The following C10orf90 variants were observed in gnomAD, a reference collection of about 807,000 sequenced individuals.
The protein encoded by C10orf90 is chromosome 10 open reading frame 90.
In C10orf90, 56 loss-of-function variants were observed where a neutral mutation model predicts 62.5. The observed-to-expected ratio is 0.90, with a 90% CI of 0.72 to 1.12. The LOEUF (loss-of-function observed/expected upper bound fraction) is 1.12. Ranked by LOEUF, C10orf90 falls within the 50% of genes most tolerant of loss-of-function variation. The pLI is 0.00. For synonymous variants in C10orf90, 386 were observed against 340.4 expected, an observed-to-expected ratio of 1.13 and a Z score of -1.47; for missense variants, 970 against 880.4, an observed-to-expected ratio of 1.10 and a Z score of -1.29.
At chr10:126,624,770 T>A (rs1845710470) in intron 2 of C10orf90, among the ~76,000 whole-genome samples, 1 of 152,128 alleles carries the variant, frequency 6.6e-6, no homozygotes, top group Non-Finnish European at 1.5e-5. Context: ...AAAGGAAAGG[T>A]CTGGCAGAAA....
chr10:126,638,716 C>T (rs1846002422), intron 2 of C10orf90, among the ~76,000 whole-genome samples: 1 of 152,202 alleles, frequency 6.6e-6, no homozygotes, highest in Admixed American at 6.5e-5. Flanking sequence ...AAACAGCCCT[C>T]CTTATCATGG....
At chr10:126,558,796 A>G (rs1864835467) in intron 2 of C10orf90, among the ~76,000 whole-genome samples, 1 of 152,232 alleles carries the variant, frequency 6.6e-6, no homozygotes, top group African/African-American at 2.4e-5. Flanking sequence ...CCCCAACCAG[A>G]GTTGGGCTCC....
intron 2 of C10orf90, among the ~76,000 whole-genome samples, chr10:126,641,356 T>C (rs137999132): frequency 1.4e-3 from 210 of 152,264 alleles, no homozygotes; most frequent in African/African-American, 4.7e-3. Flanking sequence ...ACAATCATCC[T>C]CAAGTTTTAA....
intron 2 of C10orf90, among the ~76,000 whole-genome samples, chr10:126,564,498 C>T (rs988751953): frequency 2.0e-5 from 3 of 151,636 alleles, no homozygotes; most frequent in South Asian, 2.1e-4. Flanking sequence ...GCATGTAGCC[C>T]GAGTCCCTGG....
chr10:126,646,991 G>A (rs1846185160), intron 1 of C10orf90, among the ~76,000 whole-genome samples: 1 of 152,182 alleles, frequency 6.6e-6, no homozygotes, highest in African/African-American at 2.4e-5. Context: ...TGGGTGCTGG[G>A]CTGAAGCTAG....
At chr10:126,524,533 G>T in intron 2 of C10orf90, 2 of 693,596 alleles carry the variant, frequency 2.9e-6, no homozygotes, top group East Asian at 1.3e-4. Flanking sequence ...CAGGGCTTAG[G>T]CAGCAAGAAG....
At chr10:126,550,240 G>A (rs980090281) in intron 2 of C10orf90, among the ~76,000 whole-genome samples, 1 of 152,112 alleles carries the variant, frequency 6.6e-6, no homozygotes, top group Admixed American at 6.5e-5. Context: ...ACAGGCATGA[G>A]CCACCGCGCC....
intron 7 of C10orf90, among the ~76,000 whole-genome samples, chr10:126,452,237 G>A (rs1227231080): frequency 2.0e-5 from 3 of 151,926 alleles, no homozygotes; most frequent in Non-Finnish European, 2.9e-5. Context: ...AAACGTGGGC[G>A]TATGGTTTTT....
intron 2 of C10orf90, among the ~76,000 whole-genome samples, chr10:126,535,487 A>T (rs1348136152): frequency 6.6e-6 from 1 of 150,664 alleles, no homozygotes; most frequent in Non-Finnish European, 1.5e-5. Context: ...ACTGCACTCC[A>T]GCCTGGGCAA....
Position 126,670,533 on chromosome 10 carries a change from T to G in C10orf90, c.-53A>C. 1 of 449,310 alleles carries G rather than the reference T, an allele frequency of 2.2e-6. No homozygotes were observed. The highest frequency in any genetic ancestry group is 7.0e-5 in the East Asian group (1 of 14,318). 27.8% of individuals were successfully genotyped at this position (449,310 alleles called of 1,614,324 possible). ...AGTGAGACTGGCAAACACAATTTTCTTTGTTTAACCCAGGTATTGAGTGCA... is the reference window on the plus strand; with the variant it reads ...AGTGAGACTGGCAAACACAATTTTCGTTGTTTAACCCAGGTATTGAGTGCA... On this transcript the variant is annotated 5_prime_UTR_variant, in exon 1 of 10. Transcript: ENST00000488181.
At chr10:126,623,185 A>C (rs1200189651) in intron 2 of C10orf90, among the ~76,000 whole-genome samples, 1 of 152,114 alleles carries the variant, frequency 6.6e-6, no homozygotes, top group African/African-American at 2.4e-5. Context: ...CCTGCTCAAA[A>C]TCTTTCTTGG....
At chr10:126,588,223 G>GTTC (rs1844912166) in intron 2 of C10orf90, among the ~76,000 whole-genome samples, 1 of 152,218 alleles carries the variant, frequency 6.6e-6, no homozygotes, top group Non-Finnish European at 1.5e-5. Flanking sequence ...TCCCCAGGGG[G>GTTC]AAGGGTGACG....
chr10:126,548,745 C>CTTTTT (rs71486601), intron 2 of C10orf90, among the ~76,000 whole-genome samples: 1 of 142,654 alleles, frequency 7.0e-6, no homozygotes, highest in Non-Finnish European at 1.5e-5. Flanking sequence ...TATTACACAG[C>CTTTTT]TTTTTTTTTT....
At chr10:126,557,269 T>C (rs1378235389) in intron 2 of C10orf90, among the ~76,000 whole-genome samples, 2 of 151,718 alleles carry the variant, frequency 1.3e-5, no homozygotes, top group African/African-American at 2.4e-5. Context: ...ATCACGAGGT[T>C]GGGAGATTGA....
At chr10:126,525,692 G>A (rs1441932403) in intron 2 of C10orf90, among the ~76,000 whole-genome samples, 1 of 152,146 alleles carries the variant, frequency 6.6e-6, no homozygotes, top group African/African-American at 2.4e-5. Flanking sequence ...CCAGGCTCAA[G>A]ATGTTCACAC....
intron 7 of C10orf90, among the ~76,000 whole-genome samples, chr10:126,452,876 A>G (rs1282373292): frequency 3.3e-5 from 5 of 152,230 alleles, no homozygotes; most frequent in Admixed American, 6.5e-5. Context: ...TCTTGTGAGT[A>G]ATATCAGGAG....
rs758149146 is a variant in C10orf90, at chr10:126,504,575, C to G, written c.916G>C (p.Val306Leu). 1 of 1,614,048 alleles carries G rather than the reference C, an allele frequency of 6.2e-7. No individual in the cohort carries two copies. Among genetic ancestry groups the G allele is most frequent in the Non-Finnish European group, 8.5e-7 (1 of 1,180,026 alleles). The change falls in exon 4 of 10, where the codon GTT (valine) becomes CTT (leucine). Residue 306 changes from valine to leucine, a missense_variant. Physicochemically the swap from Val to Leu is conservative, Grantham distance 32. Coordinates refer to ENST00000488181, the MANE Select transcript of C10orf90 (RefSeq NM_001350921.2). The surrounding 1 kb of genome is among the most constrained non-coding windows in gnomAD (Gnocchi z 4.1). The part of the protein sequence containing the change: ...SRNSSVVRLK[V>L]PEAHTGLCER... ...CACAACCCAGTGTGGGCCTCGGGAA[C>G]CTTCAGCCGCACCACGGAGCTGTTT... is the stretch of plus-strand genomic sequence containing the variant.
chr10:126,477,906 C>T (rs1317415648), intron 4 of C10orf90, among the ~76,000 whole-genome samples: 1 of 152,168 alleles, frequency 6.6e-6, no homozygotes, highest in Non-Finnish European at 1.5e-5. Flanking sequence ...TAGTTCCCAT[C>T]AATCTGTTGG....
At chr10:126,669,440 G>A (rs1231113865) in intron 1 of C10orf90, among the ~76,000 whole-genome samples, 2 of 152,148 alleles carry the variant, frequency 1.3e-5, no homozygotes, top group Non-Finnish European at 2.9e-5. Flanking sequence ...ATTCAGAAAG[G>A]TTACCTTTTC....
Sources: gnomAD v4.1 joint callset for allele counts (sites outside exome capture counted in the v4.1 genomes callset) on GRCh38, gnomAD v4.1.1 for gene constraint, Gnocchi (gnomAD v3.1) non-coding constraint, MANE v1.5 for transcripts, NCBI Gene and HGNC (gene_info 2026-07-23, HGNC 2026-07-21) for gene names.